The following KIAA0825 variants were observed in gnomAD, a reference collection of about 807,000 sequenced individuals.
KIAA0825 encodes KIAA0825, also known as uncharacterized protein KIAA0825.
A neutral mutation model predicts 147.6 loss-of-function variants in KIAA0825; 119 were observed. The observed-to-expected ratio is 0.81, with a 90% CI of 0.69 to 0.94. The LOEUF (loss-of-function observed/expected upper bound fraction) is 0.94. KIAA0825 is among the 40% of genes least tolerant of loss of function. The probability of loss-of-function intolerance (pLI) is 0.00; values close to 1 mark genes in which losing one functional copy is unlikely to be tolerated. For synonymous variants in KIAA0825, 470 were observed against 518.1 expected, an observed-to-expected ratio of 0.91 and a Z score of 1.26; for missense variants, 1,381 against 1,472.7, an observed-to-expected ratio of 0.94 and a Z score of 1.02.
chr5:94,612,658 C>T (rs971317884), intron 1 of KIAA0825, among the ~76,000 whole-genome samples: 4 of 152,142 alleles, frequency 2.6e-5, no homozygotes, highest in Non-Finnish European at 5.9e-5. Context: ...TCTATACATG[C>T]ATTATTTTAT....
intron 2 of KIAA0825, among the ~76,000 whole-genome samples, chr5:94,541,146 A>G (rs1415254645): frequency 2.6e-5 from 4 of 152,204 alleles, no homozygotes; most frequent in Non-Finnish European, 5.9e-5. Flanking sequence ...AAATGTCACT[A>G]TGACTCTTAA....
intron 20 of KIAA0825, among the ~76,000 whole-genome samples, chr5:94,313,679 G>T (rs1258344652): frequency 1.3e-5 from 2 of 150,640 alleles, no homozygotes; most frequent in African/African-American, 4.9e-5. Flanking sequence ...AAGTCGGCAA[G>T]TTCCTTAAAT....
chr5:94,559,510 C>A (rs1777173170), intron 2 of KIAA0825, among the ~76,000 whole-genome samples: 1 of 152,160 alleles, frequency 6.6e-6, no homozygotes, highest in African/African-American at 2.4e-5. Context: ...CATAAACCAG[C>A]CTTGTATAGA....
chr5:94,400,182 A>G (rs1456890629), intron 16 of KIAA0825, among the ~76,000 whole-genome samples: 4 of 152,188 alleles, frequency 2.6e-5, no homozygotes, highest in Non-Finnish European at 4.4e-5. Context: ...ACAAATATCC[A>G]TCATCTGTGA....
intron 20 of KIAA0825, among the ~76,000 whole-genome samples, chr5:94,155,209 CTTTCTTT>C (rs1766922146): frequency 1.5e-5 from 2 of 136,908 alleles, no homozygotes; most frequent in Non-Finnish European, 3.2e-5. Context: ...ACTGTATTTT[CTTTCTTT>C]TTTTTTTTTT....
At chr5:94,480,693 A>C (rs1762400913) in intron 6 of KIAA0825, among the ~76,000 whole-genome samples, 1 of 152,060 alleles carries the variant, frequency 6.6e-6, no homozygotes, top group African/African-American at 2.4e-5. Context: ...GTTTATACAA[A>C]CCATCTGCCT....
intron 2 of KIAA0825, among the ~76,000 whole-genome samples, chr5:94,579,241 C>T (rs1781630676): frequency 6.6e-6 from 1 of 152,110 alleles, no homozygotes; most frequent in African/African-American, 2.4e-5. Flanking sequence ...ATGTTTCAGT[C>T]CCAGCTCCAT....
At chr5:94,338,957 T>C (rs1185292779) in intron 20 of KIAA0825, among the ~76,000 whole-genome samples, 1 of 152,180 alleles carries the variant, frequency 6.6e-6, no homozygotes, top group African/African-American at 2.4e-5. Context: ...ATTAAATAAA[T>C]AAATACTATT....
chr5:94,361,219 A>T (rs1274579971), intron 20 of KIAA0825, among the ~76,000 whole-genome samples: 1 of 152,178 alleles, frequency 6.6e-6, no homozygotes, highest in Non-Finnish European at 1.5e-5. Context: ...TTTCATATTT[A>T]AAAATAATAA....
chr5:94,332,416 C>T (rs1254283989), intron 20 of KIAA0825, among the ~76,000 whole-genome samples: 1 of 152,068 alleles, frequency 6.6e-6, no homozygotes, highest in Non-Finnish European at 1.5e-5. Flanking sequence ...TGACATTTCC[C>T]TCGCTGTGCC....
chr5:94,527,015 G>A (rs772587114), intron 3 of KIAA0825, among the ~76,000 whole-genome samples: 16 of 151,994 alleles, frequency 1.1e-4, no homozygotes, highest in Non-Finnish European at 2.1e-4. Context: ...GTAGAATCAC[G>A]GTACTTAAAA....
At chr5:94,375,880 T>C (rs1747490015) in intron 20 of KIAA0825, among the ~76,000 whole-genome samples, 1 of 152,196 alleles carries the variant, frequency 6.6e-6, no homozygotes, top group South Asian at 2.1e-4. Flanking sequence ...TAGTACATTG[T>C]TACTTTATTC....
chr5:94,529,636 C>T (rs1006699173), intron 3 of KIAA0825, among the ~76,000 whole-genome samples: 2 of 151,892 alleles, frequency 1.3e-5, no homozygotes, highest in Non-Finnish European at 2.9e-5. Flanking sequence ...AAGAACAAGA[C>T]TAGGAAAGTC....
rs142140555 is a variant in KIAA0825, at chr5:94,331,253, A to G, written c.3710+53115T>C. Among the ~76,000 whole-genome samples the G allele has an allele frequency of 6.3e-3, 966 of 152,224 alleles. 10 individuals are homozygous for G. Among genetic ancestry groups the G allele is most frequent in the African/African-American group, 0.022 (927 of 41,554 alleles). On this transcript the variant is annotated intron_variant, in intron 20 of 20. Transcript: ENST00000682413. The stretch of plus-strand genomic sequence containing the variant: ...AACAAGGAAAAGGAGGGATATCACT[A>G]TAGACTCTAGAAGCATTAAAGGGAT...
At chr5:94,350,910 G>C (rs1249795918) in intron 20 of KIAA0825, among the ~76,000 whole-genome samples, 3 of 149,414 alleles carry the variant, frequency 2.0e-5, no homozygotes, top group Non-Finnish European at 4.4e-5. Flanking sequence ...TTTGGAGATG[G>C]AGTCTCGCTC....
Position 94,151,214 on chromosome 5 carries a change from G to A in KIAA0825, c.*2793C>T, listed in dbSNP as rs1012866139. ...GGGTGGATCATGAGGTCAGGAGATCGAGACCATCCTGGCTAACAAGGTGAA... is the reference window on the plus strand; with the variant it reads ...GGGTGGATCATGAGGTCAGGAGATCAAGACCATCCTGGCTAACAAGGTGAA... On this transcript the variant is annotated 3_prime_UTR_variant, in exon 21 of 21. Coordinates refer to ENST00000682413, the MANE Select transcript of KIAA0825 (RefSeq NM_001145678.3). Among the ~76,000 whole-genome samples the A allele has an allele frequency of 4.7e-5, 7 of 150,536 alleles. No individual in the cohort carries two copies. Among genetic ancestry groups the A allele is most frequent in the Non-Finnish European group, 8.9e-5 (6 of 67,682 alleles).
chr5:94,469,173 C>CT lies in KIAA0825; in HGVS notation c.1872+787dup, dbSNP rs879452271. On this transcript the variant is annotated intron_variant, in intron 10 of 20. Transcript: ENST00000682413. ...AACTATAACTGATCAGATGACTGTT[C>CT]TTTTTTTTTTTTTCTGAGATGGAGT... Among the ~76,000 whole-genome samples, 954 of 144,258 alleles carry CT rather than the reference C, an allele frequency of 6.6e-3. 13 individuals are homozygous for CT. Among genetic ancestry groups the CT allele is most frequent in the Middle Eastern group, 0.057 (16 of 280 alleles). The allele number at this position is 144,258 out of a possible 152,430, so 94.6% of individuals were successfully genotyped here.
intron 4 of KIAA0825, among the ~76,000 whole-genome samples, chr5:94,521,663 T>C (rs1308625016): frequency 1.3e-5 from 2 of 151,710 alleles, no homozygotes; most frequent in South Asian, 4.1e-4. Flanking sequence ...CTTTCTGTGC[T>C]AGCAGAAAAC....
At chr5:94,266,535 TA>T (rs886811927) in intron 20 of KIAA0825, among the ~76,000 whole-genome samples, 26 of 152,282 alleles carry the variant, frequency 1.7e-4, no homozygotes, top group Admixed American at 5.2e-4. Context: ...GAAGGGGTAA[TA>T]AAAATATTCC....
Sources: allele counts gnomAD v4.1 joint callset (sites outside exome capture counted in the v4.1 genomes callset), GRCh38; gene constraint gnomAD v4.1.1; transcripts MANE v1.5; gene names NCBI Gene and HGNC (gene_info 2026-07-23, HGNC 2026-07-21).